Variants in PDCL3 observed in about 807,000 individuals in gnomAD.
PDCL3 encodes phosducin like 3, also known as phosducin-like protein 3.
PDCL3 carries 22 observed loss-of-function variants against 26.5 expected under a neutral mutation model. The ratio of observed to expected loss-of-function variants is 0.83; its 90% confidence interval spans 0.59 to 1.19. PDCL3 has a LOEUF of 1.19. Among genes scored for constraint, PDCL3 ranks in the 50% most tolerant of loss-of-function variants. The pLI is 0.00. For missense variants in PDCL3, 246 were observed against 294.1 expected, an observed-to-expected ratio of 0.84 and a Z score of 1.20; for synonymous variants, 81 against 104.9, an observed-to-expected ratio of 0.77 and a Z score of 1.39.
chr2:100,576,520 G>T lies in PDCL3; in HGVS notation c.*24G>T, dbSNP rs774219018. 2.0e-6 allele frequency: 3 copies of T among 1,525,598 alleles called. No individual in the cohort carries two copies. Among genetic ancestry groups the T allele is most frequent in the Non-Finnish European group, 2.6e-6 (3 of 1,132,710 alleles). 94.5% of individuals were successfully genotyped at this position (1,525,598 alleles called of 1,614,324 possible). ...GAGGCTACAGCTTCTATCACATGCC[G>T]AACTTTCTTGTGACAAATTGTCTGG... On this transcript the variant is annotated 3_prime_UTR_variant, in exon 6 of 6. Transcript: ENST00000264254.
chr2:100,571,982 C>A, intron 5 of PDCL3, 184 bp downstream of exon 5: 1 of 613,988 alleles, frequency 1.6e-6, no homozygotes, highest in African/African-American at 1.8e-5. Flanking sequence ...TACAACTGGG[C>A]TCTACTGATT....
At chr2:100,567,337 G>A (rs1675076777) in intron 2 of PDCL3, among the ~76,000 whole-genome samples, 1 of 152,184 alleles carries the variant, frequency 6.6e-6, no homozygotes. Context: ...CTTTTCTGGG[G>A]TTGGGGATTT....
At chr2:100,567,874 C>G (rs13402914) in intron 2 of PDCL3, among the ~76,000 whole-genome samples, 76,365 of 150,638 alleles carry the variant, frequency 0.51, 20,978 homozygotes, top group East Asian at 0.97. Context: ...CCAGGCTGGA[C>G]TGCAGTGGCG....
In PDCL3 at chr2:100,571,579, G is replaced by A. The variant is rs1675168790; in HGVS notation, c.369-11G>A. 8 of 1,611,066 alleles carry A rather than the reference G, an allele frequency of 5.0e-6. No homozygotes were observed. The highest frequency in any genetic ancestry group is 5.9e-6 in the Non-Finnish European group (7 of 1,178,968). On this transcript the variant is annotated splice_polypyrimidine_tract_variant and intron_variant, in intron 4 of 5. Transcript: ENST00000264254. Reference sequence around the variant, plus strand: ...TCATAATTGCTTCTGTTTTCTATGTGTGTTTTATAGAATTCCCCTCTGTGC... The same window carrying A: ...TCATAATTGCTTCTGTTTTCTATGTATGTTTTATAGAATTCCCCTCTGTGC...
At chr2:100,563,119 T>G in intron 1 of PDCL3, 46 bp downstream of exon 1, 1 of 1,581,188 alleles carries the variant, frequency 6.3e-7, no homozygotes, top group Non-Finnish European at 8.6e-7. Flanking sequence ...GCCCGTTCCT[T>G]TGTCTCGTTA....
chr2:100,566,434 C>T, intron 1 of PDCL3, 69 bp from the exon 2 acceptor site: 1 of 1,552,520 alleles, frequency 6.4e-7, no homozygotes, highest in Non-Finnish European at 8.8e-7. Context: ...CCCATTTGGC[C>T]CCTTGCCCAA....
At chr2:100,566,242 C>T (rs999966248) in intron 1 of PDCL3, among the ~76,000 whole-genome samples, 1 of 152,160 alleles carries the variant, frequency 6.6e-6, no homozygotes, top group African/African-American at 2.4e-5. Context: ...CATGCCAAGT[C>T]AGAGCCTTGG....
At chr2:100,571,933 C>T (rs891242270) in intron 5 of PDCL3, 135 bp downstream of exon 5, 24 of 363,042 alleles carry the variant, frequency 6.6e-5, no homozygotes, top group African/African-American at 5.9e-4. Flanking sequence ...GACGGAAGCA[C>T]GTTTAATCTC....
At chr2:100,571,910 G>GA in intron 5 of PDCL3, 112 bp downstream of exon 5, 2 of 1,000,472 alleles carry the variant, frequency 2.0e-6, no homozygotes, top group Non-Finnish European at 1.6e-6. Flanking sequence ...GTTCACTTCT[G>GA]CCTGTGTATG....
intron 2 of PDCL3, among the ~76,000 whole-genome samples, chr2:100,568,576 T>G (rs1186478798): frequency 6.6e-6 from 1 of 152,038 alleles, no homozygotes; most frequent in Non-Finnish European, 1.5e-5. Context: ...AGGTTCTCAG[T>G]GAGTCAAGAT....
chr2:100,570,072 T>C (rs767334637), intron 4 of PDCL3, among the ~76,000 whole-genome samples: 4 of 152,208 alleles, frequency 2.6e-5, no homozygotes, highest in African/African-American at 4.8e-5. Context: ...ATTGCGCCAC[T>C]GCACTCCAGC....
chr2:100,573,221 T>TA (rs1264730752), intron 5 of PDCL3, among the ~76,000 whole-genome samples: 4 of 151,938 alleles, frequency 2.6e-5, no homozygotes, highest in African/African-American at 9.7e-5. Flanking sequence ...AACATGGAGG[T>TA]ATCAAAATAC....
rs1382467305 is a variant in PDCL3, at chr2:100,571,653, C to A, written c.432C>A (p.Val144=). The change falls in exon 5 of 6, where the codon GTC becomes GTA. Residue 144 remains valine, a synonymous_variant. Coordinates refer to ENST00000264254, the MANE Select transcript of PDCL3 (RefSeq NM_024065.5). ...LSGLARKFPD[V]KFIKAISTTC... ...GACTTGCCAGGAAGTTTCCTGATGT[C>A]AAATTTATCAAAGCCATTTCAACAA... is the stretch of plus-strand genomic sequence containing the variant. The A allele has an allele frequency of 1.2e-5, 20 of 1,613,180 alleles. No individual in the cohort carries two copies. The highest frequency in any genetic ancestry group is 1.6e-5 in the Non-Finnish European group (19 of 1,179,856).
chr2:100,565,103 A>G (rs760687752), intron 1 of PDCL3, among the ~76,000 whole-genome samples: 33 of 151,854 alleles, frequency 2.2e-4, no homozygotes, highest in Non-Finnish European at 3.8e-4. Flanking sequence ...CTGGAAGATT[A>G]TTTTCTTGAT....
intron 1 of PDCL3, among the ~76,000 whole-genome samples, chr2:100,564,387 C>T (rs1042327544): frequency 1.8e-4 from 28 of 152,202 alleles, no homozygotes; most frequent in African/African-American, 5.3e-4. Context: ...AGCTCCGCCT[C>T]TCCAGTTCAC....
At chr2:100,566,323 A>C (rs1245552313) in intron 1 of PDCL3, among the ~76,000 whole-genome samples, 180 bp from the exon 2 acceptor site, 3 of 152,118 alleles carry the variant, frequency 2.0e-5, no homozygotes, top group Non-Finnish European at 4.4e-5. Flanking sequence ...CCATTCAGGG[A>C]GGGGTAGACA....
At chr2:100,574,471 G>A (rs1430094093) in intron 5 of PDCL3, among the ~76,000 whole-genome samples, 10 of 151,516 alleles carry the variant, frequency 6.6e-5, no homozygotes, top group Non-Finnish European at 1.2e-4. Flanking sequence ...CATGACTGAG[G>A]TATGATGACC....
At chr2:100,573,424 A>G (rs999505284) in intron 5 of PDCL3, among the ~76,000 whole-genome samples, 1 of 152,040 alleles carries the variant, frequency 6.6e-6, no homozygotes, top group Non-Finnish European at 1.5e-5. Flanking sequence ...CTGTAATCCC[A>G]GCACTTTGGG....
At chr2:100,571,821 G>A (rs780397564) in intron 5 of PDCL3, 23 bp downstream of exon 5, 14 of 1,610,860 alleles carry the variant, frequency 8.7e-6, no homozygotes, top group Non-Finnish European at 1.1e-5. Flanking sequence ...GGAGACAGGC[G>A]GGGCAGTGAG....
Sources: gnomAD v4.1 joint callset for allele counts (sites outside exome capture counted in the v4.1 genomes callset) on GRCh38, gnomAD v4.1.1 for gene constraint, MANE v1.5 for transcripts, NCBI Gene and HGNC (gene_info 2026-07-23, HGNC 2026-07-21) for gene names.